SERPINF2: variants seen among roughly 807,000 people sequenced by gnomAD.
SERPINF2 encodes the protein serpin family F member 2.
Under a neutral mutation model 45.0 loss-of-function variants are expected in SERPINF2, and 15 were observed. The observed-to-expected ratio is 0.33, with a 90% CI of 0.22 to 0.51. SERPINF2 has a LOEUF of 0.51. Among genes scored for constraint, SERPINF2 ranks in the 20% least tolerant of loss-of-function variants. SERPINF2 has a pLI of 0.97. For synonymous variants in SERPINF2, 283 were observed against 277.9 expected (o/e 1.02, Z -0.18); for missense variants, 518 against 637.4 (o/e 0.81, Z 2.02).
intron 1 of SERPINF2, 160 bp downstream of exon 1, chr17:1,743,068 A>G (rs1458523556): frequency 1.0e-6 from 1 of 985,254 alleles, no homozygotes; most frequent in African/African-American, 1.7e-5. Context: ...AGAAGATTCT[A>G]ATGCCCAGGT....
intron 6 of SERPINF2, 40 bp from the exon 7 acceptor site, chr17:1,747,269 G>A (rs1905923069): frequency 4.3e-6 from 7 of 1,611,870 alleles, no homozygotes; most frequent in Non-Finnish European, 5.9e-6. Context: ...TGGCTGTGGA[G>A]CCTGGAGCCC....
chr17:1,746,817 G>A (rs952307107), intron 5 of SERPINF2, among the ~76,000 whole-genome samples: 2 of 152,198 alleles, frequency 1.3e-5, no homozygotes, highest in Non-Finnish European at 2.9e-5. Flanking sequence ...AGCCCAGAGA[G>A]GGAAGGTAAC....
At chr17:1,744,859 T>C (rs1258271140) in intron 1 of SERPINF2, 133 bp from the exon 2 acceptor site, 2 of 1,552,890 alleles carry the variant, frequency 1.3e-6, no homozygotes, top group Non-Finnish European at 1.7e-6. Flanking sequence ...GGGTCTGTTC[T>C]GATTCTGGAG....
At chr17:1,749,138 G>A (rs1597328811) in intron 8 of SERPINF2, among the ~76,000 whole-genome samples, 1 of 152,194 alleles carries the variant, frequency 6.6e-6, no homozygotes, top group East Asian at 1.9e-4. Context: ...GAAAAAGAAG[G>A]TGATTTTGGC....
intron 5 of SERPINF2, 151 bp from the exon 6 acceptor site, chr17:1,746,868 T>C (rs971475761): frequency 1.9e-6 from 2 of 1,073,136 alleles, no homozygotes; most frequent in African/African-American, 1.6e-5. Flanking sequence ...GCCACAGGGG[T>C]GAGAGCCACG....
intron 1 of SERPINF2, 158 bp from the exon 2 acceptor site, chr17:1,744,834 C>T (rs952135394): frequency 8.1e-6 from 8 of 985,332 alleles, no homozygotes; most frequent in Middle Eastern, 5.2e-4. Flanking sequence ...GTGGGAGCCG[C>T]TGCTCGTGTG....
Position 1,745,264 on chromosome 17 carries a change from C to T in SERPINF2, c.102+51C>T, listed in dbSNP as rs368679826. The T allele has an allele frequency of 4.7e-5, 69 of 1,474,632 alleles. No individual in the cohort carries two copies. Among genetic ancestry groups the T allele is most frequent in the Admixed American group, 2.3e-4 (13 of 55,632 alleles). The allele number at this position is 1,474,632 out of a possible 1,614,324, so 91.3% of individuals were successfully genotyped here. On this transcript the variant is annotated intron_variant, in intron 3 of 9. Transcript: ENST00000453066. This position sits in a 1 kb window ranked among gnomAD's most constrained non-coding sequence, Gnocchi z 6.2. ...TGGGGGGAAGGTCCCGGGGGTCTCA[C>T]TGGTGGCTTGGGCAGGGTGGGGGGC...
chr17:1,747,406 C>G lies in SERPINF2; in HGVS notation c.609C>G (p.Asn203Lys). 1 of 1,614,212 alleles carries G rather than the reference C, an allele frequency of 6.2e-7. No individual in the cohort carries two copies. The highest frequency in any genetic ancestry group is 8.5e-7 in the Non-Finnish European group (1 of 1,180,050). ...GAAAGCAGGAAGATGACCTGGCAAA[C>G]ATCAACCAATGGGTGAAGGAGGCCA... ...LTGKQEDDLANINQWVKEATE... is the reference protein window; with the variant it reads ...LTGKQEDDLAKINQWVKEATE... The change falls in exon 7 of 10, where the codon AAC (asparagine) becomes AAG (lysine). Residue 203 changes from asparagine (N) to lysine (K), a missense_variant. This residue lies in a region of SERPINF2 where 435 missense variants were observed against 577.3 expected (regional missense o/e 0.75). Coordinates refer to ENST00000453066, the MANE Select transcript of SERPINF2 (RefSeq NM_000934.4).
chr17:1,744,640 A>T (rs2151187241), intron 1 of SERPINF2: 1 of 985,446 alleles, frequency 1.0e-6, no homozygotes, highest in African/African-American at 1.7e-5. Context: ...TCCTTTGGCA[A>T]GAGGTAGCCT....
chr17:1,754,685 T>TGGGGGGGGGGGG lies in SERPINF2; in HGVS notation c.*161_*162insGGGGGGGGGGGG. On this transcript the variant is annotated 3_prime_UTR_variant, in exon 10 of 10. Transcript: ENST00000453066. ...CCAACACCTCTTGGGGAGTTTAGGG[T>TGGGGGGGGGGGG]GGGGGGGGGGCGCGGCTGGGAGGAG... 3 of 179,688 alleles carry TGGGGGGGGGGGG rather than the reference T, an allele frequency of 1.7e-5. No homozygotes were observed. Among genetic ancestry groups the TGGGGGGGGGGGG allele is most frequent in the Admixed American group, 7.5e-5 (1 of 13,294 alleles). The allele number at this position is 179,688 out of a possible 1,614,324, so 11.1% of individuals were successfully genotyped here.
At chr17:1,753,221 A>G (rs1363879025) in intron 9 of SERPINF2, among the ~76,000 whole-genome samples, 4 of 152,178 alleles carry the variant, frequency 2.6e-5, no homozygotes, top group Admixed American at 2.6e-4. Flanking sequence ...CCTGTGCAAC[A>G]CATTGAAACT....
chr17:1,752,705 G>T lies in SERPINF2; in HGVS notation c.978G>T (p.Leu326=). The T allele has an allele frequency of 6.2e-7, 1 of 1,614,116 alleles. No homozygotes were observed. The highest frequency in any genetic ancestry group is 1.7e-5 in the Admixed American group (1 of 60,006). The change falls in exon 9 of 10, where the codon CTG becomes CTT. Residue 326 remains leucine (L), a synonymous_variant. Coordinates refer to ENST00000453066, the MANE Select transcript of SERPINF2 (RefSeq NM_000934.4). ...GTTGGGACACCCTGCACCCACCTCT[G>T]GTGTGGGAGAGGCCCACCAAGGTCC... ...NLSWDTLHPP[L]VWERPTKVRL... is the part of the protein sequence containing the mutation.
chr17:1,754,297 C>T lies in SERPINF2; in HGVS notation c.1239C>T (p.Arg413=), dbSNP rs781059789. 3 of 1,614,108 alleles carry T rather than the reference C, an allele frequency of 1.9e-6. No individual in the cohort carries two copies. Among genetic ancestry groups the T allele is most frequent in the South Asian group, 1.1e-5 (1 of 91,094 alleles). ...CCCTGTCCTCCTTCAGCGTGAACCGCCCCTTCCTCTTCTTCATCTTCGAGG... is the reference window on the plus strand; with the variant it reads ...CCCTGTCCTCCTTCAGCGTGAACCGTCCCTTCCTCTTCTTCATCTTCGAGG... ...RMSLSSFSVN[R]PFLFFIFEDT... The change falls in exon 10 of 10, where the codon CGC becomes CGT. Residue 413 remains arginine (R), a synonymous_variant. Coordinates refer to ENST00000453066, the MANE Select transcript of SERPINF2 (RefSeq NM_000934.4).
Position 1,747,132 on chromosome 17 carries a change from C to G in SERPINF2, c.481C>G (p.Arg161Gly). ...CCAGGACCTGGGCCCCGGCGCGTTC[C>G]GACTGGCTGCCAGGATGTACCTGCA... is the stretch of plus-strand genomic sequence containing the variant. Reference protein sequence around the residue: ...LCQDLGPGAFRLAARMYLQKG... With the variant: ...LCQDLGPGAFGLAARMYLQKG... The change falls in exon 6 of 10, where the codon CGA becomes GGA. Residue 161 changes from arginine (R) to glycine (G), a missense_variant. By Grantham distance (125) the Arg-to-Gly change is moderately radical. Coordinates refer to ENST00000453066, the MANE Select transcript of SERPINF2 (RefSeq NM_000934.4). The G allele has an allele frequency of 6.2e-7, 1 of 1,611,964 alleles. No homozygotes were observed. Among genetic ancestry groups the G allele is most frequent in the Non-Finnish European group, 8.5e-7 (1 of 1,179,978 alleles).
intron 7 of SERPINF2, among the ~76,000 whole-genome samples, chr17:1,747,996 T>C (rs985264247): frequency 6.6e-6 from 1 of 150,426 alleles, no homozygotes; most frequent in Non-Finnish European, 1.5e-5. Flanking sequence ...TGGGAACAAA[T>C]GGTCTGAAAA....
In SERPINF2 at chr17:1,747,063, G is replaced by T; in HGVS notation, c.412G>T (p.Ala138Ser). ...TLQRLQQVLH[A>S]GSGPCLPHLL... ...GCAGAGGCTGCAACAGGTGCTGCAC[G>T]CAGGCTCAGGGCCCTGCCTCCCCCA... is the stretch of plus-strand genomic sequence containing the variant. The change falls in exon 6 of 10, where the codon GCA (alanine) becomes TCA (serine). Residue 138 changes from alanine to serine, a missense_variant. By Grantham distance (99) the Ala-to-Ser change is moderately conservative. This residue lies in a region of SERPINF2 where 435 missense variants were observed against 577.3 expected (regional missense o/e 0.75). Coordinates refer to ENST00000453066, the MANE Select transcript of SERPINF2 (RefSeq NM_000934.4). The T allele has an allele frequency of 1.2e-6, 2 of 1,608,558 alleles. No homozygotes were observed. Among genetic ancestry groups the T allele is most frequent in the Non-Finnish European group, 1.7e-6 (2 of 1,179,876 alleles).
rs1450338958 is a variant in SERPINF2, at chr17:1,747,438, G to A, written c.641G>A (p.Gly214Glu). The change falls in exon 7 of 10, where the codon GGG becomes GAG. Residue 214 changes from glycine to glutamate, a missense_variant. Physicochemically the swap from Gly to Glu is moderately conservative, Grantham distance 98 (BLOSUM62 -2). Transcript: ENST00000453066. ...INQWVKEATE[G>E]KIQEFLSGLP... ...CAATGGGTGAAGGAGGCCACGGAGGGGAAGATTCAGGAATTCCTCTCTGGG... is the reference window on the plus strand; with the variant it reads ...CAATGGGTGAAGGAGGCCACGGAGGAGAAGATTCAGGAATTCCTCTCTGGG... 2.5e-6 allele frequency: 4 copies of A among 1,614,192 alleles called. No individual in the cohort carries two copies. In the South Asian group the frequency reaches 3.3e-5, roughly 13 times the overall value.
chr17:1,742,940 T>C (rs1045874431), intron 1 of SERPINF2, 32 bp downstream of exon 1: 8 of 985,256 alleles, frequency 8.1e-6, no homozygotes, highest in Non-Finnish European at 9.6e-6. Flanking sequence ...GGCCTGCTCC[T>C]TGGGTAGGAG....
Position 1,754,648 on chromosome 17 carries a change from G to C in SERPINF2, c.*114G>C. Reference sequence around the variant, plus strand: ...CAGGGGCCGGGGGCAGTCTGAGAGAGGCCATTCTTTCCCAACACCTCTTGG... The same window carrying C: ...CAGGGGCCGGGGGCAGTCTGAGAGACGCCATTCTTTCCCAACACCTCTTGG... On this transcript the variant is annotated 3_prime_UTR_variant, in exon 10 of 10. Coordinates refer to ENST00000453066, the MANE Select transcript of SERPINF2 (RefSeq NM_000934.4). 9.8e-7 allele frequency: 1 copy of C among 1,025,172 alleles called. No homozygotes were observed. The allele number at this position is 1,025,172 out of a possible 1,614,324, so 63.5% of individuals were successfully genotyped here.
Sources: allele counts gnomAD v4.1 joint callset (sites outside exome capture counted in the v4.1 genomes callset), GRCh38; gene constraint gnomAD v4.1.1; regional missense constraint gnomAD v4.1.1; non-coding constraint Gnocchi (gnomAD v3.1); transcripts MANE v1.5; gene names NCBI Gene and HGNC (gene_info 2026-07-23, HGNC 2026-07-21).